ATP13A2: variants seen among roughly 807,000 people sequenced by gnomAD.
The protein encoded by ATP13A2 is ATPase cation transporting 13A2, also known as polyamine-transporting ATPase 13A2.
In ATP13A2, 83 loss-of-function variants were observed where a neutral mutation model predicts 138.3. The ratio of observed to expected loss-of-function variants is 0.60; its 90% CI spans 0.50 to 0.72. The LOEUF is 0.72. ATP13A2 is among the 30% of genes least tolerant of loss of function. The pLI is 0.00. For missense variants in ATP13A2, 1,402 were observed against 1,606.4 expected (o/e 0.87, Z 2.17); for synonymous variants, 663 against 699.0 (o/e 0.95, Z 0.81).
chr1:16,997,777 G>C (rs112581168), intron 11 of ATP13A2, among the ~76,000 whole-genome samples: 3 of 150,664 alleles, frequency 2.0e-5, no homozygotes, highest in African/African-American at 7.3e-5. Flanking sequence ...AGAGGCGGAG[G>C]TTGCAGTGAG....
In ATP13A2 at chr1:16,998,956, TG is replaced by T. The variant is rs1056808556; in HGVS notation, c.1039+1054del. Among the ~76,000 whole-genome samples the T allele has an allele frequency of 5.2e-3, 791 of 152,134 alleles. 7 individuals are homozygous for T. Among genetic ancestry groups the T allele is most frequent in the African/African-American group, 0.018 (730 of 41,506 alleles). The stretch of plus-strand genomic sequence containing the variant: ...CTCACACCCTTCACAGTGGCTGCCC[TG>T]GGGAGGGGAAGGGAAGGGGACTGTG... On this transcript the variant is annotated intron_variant, in intron 11 of 28. Transcript: ENST00000326735.
In ATP13A2 at chr1:17,005,807, G is replaced by A. The variant is rs55842702; in HGVS notation, c.11-29C>T. 2.2e-3 allele frequency: 3,465 copies of A among 1,577,784 alleles called. 49 individuals are homozygous for A. The African/African-American group carries it at 0.034, about 15-fold the overall frequency. On this transcript the variant is annotated intron_variant, in intron 1 of 28. Coordinates refer to ENST00000326735, the MANE Select transcript of ATP13A2 (RefSeq NM_022089.4). ...TGGACAGAAAAGAGAAAGGTCATTT[G>A]GGGAGGCACCTTCTCCTCTTGCTTC...
chr1:17,011,620 G>A lies in ATP13A2; in HGVS notation c.10+109C>T. 7.4e-7 allele frequency: 1 copy of A among 1,344,882 alleles called. No homozygotes were observed. The highest frequency in any genetic ancestry group is 9.6e-7 in the Non-Finnish European group (1 of 1,037,672). The allele number at this position is 1,344,882 out of a possible 1,614,324, so 83.3% of individuals were successfully genotyped here. On this transcript the variant is annotated intron_variant, in intron 1 of 28. Transcript: ENST00000326735. The surrounding 1 kb of genome is among the most constrained non-coding windows in gnomAD (Gnocchi z 7.3). ...CAACCAGGTCCCGCTTCCTGGGCTC[G>A]CGACCCCGCGGTGGGGGGCGTCGCC...
rs752565004 is a variant in ATP13A2 at position 16,995,936 on chromosome 1, C to T, written c.1542+40G>A. On this transcript the variant is annotated intron_variant, in intron 15 of 28. Transcript: ENST00000326735. The surrounding 1 kb of genome is among the most constrained non-coding windows in gnomAD (Gnocchi z 4.1). ...GGAGGCCTCACTGGGGCGCCTGTGG[C>T]TGTCCCGCTCCCCTGCACCAACCCC... is the stretch of plus-strand genomic sequence containing the variant. 1 of 1,612,074 alleles carries T rather than the reference C, an allele frequency of 6.2e-7. No homozygotes were observed.
intron 1 of ATP13A2, among the ~76,000 whole-genome samples, chr1:17,008,252 C>T (rs2077638794): frequency 1.3e-5 from 2 of 151,212 alleles, no homozygotes; most frequent in African/African-American, 4.9e-5. Context: ...AAGCAATTCT[C>T]CCACCTCAGC....
intron 25 of ATP13A2, 82 bp from the exon 26 acceptor site, chr1:16,987,351 T>C: frequency 7.5e-7 from 1 of 1,328,996 alleles, no homozygotes; most frequent in Non-Finnish European, 1.1e-6. Flanking sequence ...GCCCCACCCC[T>C]GCCCCGAAGG....
chr1:16,987,372 G>A, intron 25 of ATP13A2, 103 bp from the exon 26 acceptor site: 9 of 1,115,946 alleles, frequency 8.1e-6, no homozygotes, highest in South Asian at 7.9e-5. Flanking sequence ...AATCTGATGG[G>A]TAAGGCATCC....
At chr1:17,007,310 G>T (rs988656105) in intron 1 of ATP13A2, among the ~76,000 whole-genome samples, 28 of 152,168 alleles carry the variant, frequency 1.8e-4, no homozygotes, top group African/African-American at 5.8e-4. Flanking sequence ...CTCTGTCAGG[G>T]TTCATCTACG....
At chr1:17,001,922 G>A in intron 8 of ATP13A2, 112 bp downstream of exon 8, 1 of 1,099,104 alleles carries the variant, frequency 9.1e-7, no homozygotes, top group African/African-American at 1.6e-5. Context: ...CTATGGAGAA[G>A]GGGACAGCTG....
chr1:17,004,313 C>A lies in ATP13A2; in HGVS notation c.557+19G>T. The stretch of plus-strand genomic sequence containing the variant: ...CCACTCTGGGAGGTGACATGAGCCA[C>A]ACAGGCCCTGACTCCTACCTGACCT... On this transcript the variant is annotated intron_variant, in intron 6 of 28. Transcript: ENST00000326735. The surrounding 1 kb of genome is among the most constrained non-coding windows in gnomAD (Gnocchi z 4.1). 6.2e-7 allele frequency: 1 copy of A among 1,612,022 alleles called. No homozygotes were observed. Among genetic ancestry groups the A allele is most frequent in the Non-Finnish European group, 8.5e-7 (1 of 1,179,056 alleles).
intron 25 of ATP13A2, 118 bp downstream of exon 25, chr1:16,988,020 A>C: frequency 1.1e-6 from 1 of 932,514 alleles, no homozygotes; most frequent in Non-Finnish European, 1.7e-6. Flanking sequence ...GGAGAGTGGC[A>C]GGGTCAGGAT....
rs1180164758 is a variant in ATP13A2, at chr1:16,986,213, G to A, written c.*8C>T. 3 of 1,612,480 alleles carry A rather than the reference G, an allele frequency of 1.9e-6. No homozygotes were observed. The highest frequency in any genetic ancestry group is 2.5e-6 in the Non-Finnish European group (3 of 1,179,558). ...AGTTCCAGTGTCTGGGGTGCCCGTG[G>A]GCCTGCACTACCTCAGGGGGCCGGC... On this transcript the variant is annotated 3_prime_UTR_variant, in exon 29 of 29. Transcript: ENST00000326735. This position sits in a 1 kb window ranked among gnomAD's most constrained non-coding sequence, Gnocchi z 6.9.
chr1:16,996,355 T>C (rs1553168689), intron 13 of ATP13A2, 31 bp downstream of exon 13: 2 of 1,613,550 alleles, frequency 1.2e-6, no homozygotes, highest in East Asian at 2.2e-5. Flanking sequence ...GGGGGGGCTA[T>C]GGGCAGAGGA....
intron 1 of ATP13A2, among the ~76,000 whole-genome samples, chr1:17,009,221 C>G (rs2077683811): frequency 6.6e-6 from 1 of 152,108 alleles, no homozygotes. Context: ...GCATCAGGCT[C>G]AGATGGGTGT....
rs765499517 is a variant in ATP13A2, at chr1:16,986,450, G to C, written c.3405+13C>G. The C allele has an allele frequency of 1.2e-6, 2 of 1,611,374 alleles. No individual in the cohort carries two copies. Among genetic ancestry groups the C allele is most frequent in the Non-Finnish European group, 1.7e-6 (2 of 1,179,760 alleles). On this transcript the variant is annotated intron_variant, in intron 28 of 28. Coordinates refer to ENST00000326735, the MANE Select transcript of ATP13A2 (RefSeq NM_022089.4). The surrounding 1 kb of genome is among the most constrained non-coding windows in gnomAD (Gnocchi z 6.9). ...CCTTCTCTCCCGCTGCTGAGACCCA[G>C]GGCGGGCCCCACCTCCAGCATGAAG... is the stretch of plus-strand genomic sequence containing the variant.
chr1:16,988,726 G>A (rs978107735), intron 23 of ATP13A2, among the ~76,000 whole-genome samples: 1 of 151,868 alleles, frequency 6.6e-6, no homozygotes, highest in African/African-American at 2.4e-5. Flanking sequence ...TCTGCCTCCT[G>A]GGCTCAAGTG....
Position 17,004,644 on chromosome 1 carries a change from T to A in ATP13A2, c.477+48A>T. The A allele has an allele frequency of 1.9e-6, 3 of 1,613,758 alleles. No individual in the cohort carries two copies. Among genetic ancestry groups the A allele is most frequent in the Non-Finnish European group, 2.5e-6 (3 of 1,180,004 alleles). On this transcript the variant is annotated intron_variant, in intron 5 of 28. Transcript: ENST00000326735. The surrounding 1 kb of genome is among the most constrained non-coding windows in gnomAD (Gnocchi z 4.1). ...AAGTCTGACTCTCCCATTGCACAGA[T>A]CATGAAACCGAGGCCGAGAGAGGGG...
chr1:16,993,893 A>G (rs984009409), intron 15 of ATP13A2, 58 bp from the exon 16 acceptor site: 73 of 1,425,676 alleles, frequency 5.1e-5, no homozygotes, highest in Non-Finnish European at 6.4e-5. Context: ...TACCCTGCTG[A>G]GCTGGGCCTC....
intron 25 of ATP13A2, among the ~76,000 whole-genome samples, chr1:16,987,666 G>A (rs1371896443): frequency 3.9e-5 from 6 of 152,320 alleles, no homozygotes; most frequent in South Asian, 2.1e-4. Context: ...TAAGATGTGC[G>A]CCGCCCTGCA....
Sources: gnomAD v4.1 joint callset for allele counts (sites outside exome capture counted in the v4.1 genomes callset) on GRCh38, gnomAD v4.1.1 for gene constraint, Gnocchi (gnomAD v3.1) non-coding constraint, MANE v1.5 for transcripts, NCBI Gene and HGNC (gene_info 2026-07-23, HGNC 2026-07-21) for gene names.